DSTYK: variants seen among roughly 807,000 people sequenced by gnomAD.
DSTYK encodes the protein RIP-homologous kinase.
A neutral mutation model predicts 98.7 loss-of-function variants in DSTYK; 34 were observed. That is an observed-to-expected ratio of 0.34 (90% CI 0.26 to 0.46). DSTYK has a LOEUF of 0.46. Ranked by LOEUF, DSTYK falls within the 20% of genes least tolerant of loss-of-function variation. The pLI is 1.00. For missense variants in DSTYK, 962 were observed against 1,181.7 expected, an observed-to-expected ratio of 0.81 and a Z score of 2.73; for synonymous variants, 462 against 457.3, an observed-to-expected ratio of 1.01 and a Z score of -0.13.
rs1657257813 is a variant in DSTYK, at chr1:205,147,022, T to C, written c.*536A>G. The C allele has an allele frequency of 6.5e-6, 1 of 153,014 alleles. No homozygotes were observed. The highest frequency in any genetic ancestry group is 6.5e-5 in the Admixed American group (1 of 15,336). 9.5% of individuals were successfully genotyped at this position (153,014 alleles called of 1,614,324 possible). On this transcript the variant is annotated 3_prime_UTR_variant, in exon 13 of 13. Transcript: ENST00000367162. ...CTGTTTCTAGCTCCCTCACTGGGAC[T>C]TCTGACCATTGCAACCTGAGATACC...
Position 205,163,811 on chromosome 1 carries a change from C to G in DSTYK, c.1469G>C (p.Ser490Thr). The G allele has an allele frequency of 6.2e-7, 1 of 1,614,188 alleles. No homozygotes were observed. The highest frequency in any genetic ancestry group is 8.5e-7 in the Non-Finnish European group (1 of 1,180,040). ...ACATCGTTCCAGGGTTCCGACGAAG[C>G]TTTCCCTCAGGTAATCCACTGAGCT... ...LISSVDYLRE[S>T]FVGTLERCLQ... The change falls in exon 4 of 13, where the codon AGC becomes ACC. Residue 490 changes from serine (S) to threonine (T), a missense_variant. By Grantham distance (58) the Ser-to-Thr change is moderately conservative. Around this residue, in one of 4 missense-constraint regions of DSTYK, gnomAD observed 660 missense variants for 855.0 expected, o/e 0.77. Coordinates refer to ENST00000367162, the MANE Select transcript of DSTYK (RefSeq NM_015375.3).
At chr1:205,170,308 T>G (rs1252637496) in intron 2 of DSTYK, among the ~76,000 whole-genome samples, 1 of 152,242 alleles carries the variant, frequency 6.6e-6, no homozygotes, top group Non-Finnish European at 1.5e-5. Context: ...TAAGTTTCAA[T>G]GTATATGTTA....
At chr1:205,161,900 A>C in intron 6 of DSTYK, 136 bp downstream of exon 6, 1 of 672,946 alleles carries the variant, frequency 1.5e-6, no homozygotes, top group Non-Finnish European at 2.3e-6. Context: ...GTGTGTGTAT[A>C]TATATGTGTA....
At chr1:205,154,586 A>G (rs1260334254) in intron 10 of DSTYK, among the ~76,000 whole-genome samples, 2 of 152,194 alleles carry the variant, frequency 1.3e-5, no homozygotes, top group African/African-American at 4.8e-5. Context: ...TGTCTTTATT[A>G]GCAGTGTGAG....
At chr1:205,173,703 T>C (rs1658138660) in intron 2 of DSTYK, among the ~76,000 whole-genome samples, 1 of 152,094 alleles carries the variant, frequency 6.6e-6, no homozygotes, top group African/African-American at 2.4e-5. Flanking sequence ...GCCAAGTCCA[T>C]TTGTAAGACC....
chr1:205,178,610 A>T (rs1658302745), intron 2 of DSTYK, among the ~76,000 whole-genome samples: 1 of 152,206 alleles, frequency 6.6e-6, no homozygotes, highest in Admixed American at 6.5e-5. Context: ...TCTCTCTAAT[A>T]AGAGTAGAAG....
At chr1:205,147,906 A>G (rs1165140536) in intron 12 of DSTYK, among the ~76,000 whole-genome samples, 161 bp from the exon 13 acceptor site, 3 of 130,536 alleles carry the variant, frequency 2.3e-5, no homozygotes, top group Non-Finnish European at 5.4e-5. Flanking sequence ...ACCTAACAGT[A>G]AGAGCAATTA....
Position 205,148,094 on chromosome 1 carries a change from G to A in DSTYK, c.2602+111C>T, listed in dbSNP as rs999092852. ...TTCATGACAGTTTAAACGTATCTAC[G>A]GCCCTGCTATGGAGTGGCCAGATGG... is the stretch of plus-strand genomic sequence containing the variant. On this transcript the variant is annotated intron_variant, in intron 12 of 12. Transcript: ENST00000367162. 1.6e-5 allele frequency: 21 copies of A among 1,298,924 alleles called. No homozygotes were observed. In the Admixed American group the frequency reaches 2.4e-4, roughly 15 times the overall value. The allele number at this position is 1,298,924 out of a possible 1,614,324, so 80.5% of individuals were successfully genotyped here.
Position 205,211,407 on chromosome 1 carries a change from CT to C in DSTYK, c.128del (p.Gln43ArgfsTer49). ...RYRRYLGRLR[Q>X]NLRETQKFFR... ...AGAACTTCTGGGTCTCGCGCAGGTT[CT>C]GTCGCAGCCGTCCCAGGTAGCGGCG... On this transcript the variant is annotated frameshift_variant, in exon 1 of 13. Transcript: ENST00000367162. LOFTEE classifies it high-confidence loss of function. 1 of 1,610,972 alleles carries C rather than the reference CT, an allele frequency of 6.2e-7. No individual in the cohort carries two copies. The highest frequency in any genetic ancestry group is 8.5e-7 in the Non-Finnish European group (1 of 1,179,300).
intron 1 of DSTYK, among the ~76,000 whole-genome samples, chr1:205,206,486 T>C (rs1234027712): frequency 1.3e-5 from 2 of 149,962 alleles, no homozygotes; most frequent in Non-Finnish European, 3.0e-5. Context: ...TCCATGTTGG[T>C]CAGGCTGGTC....
In DSTYK at chr1:205,159,569, C is replaced by T. The variant is rs369367865; in HGVS notation, c.2216G>A (p.Arg739Gln). ...AVLLIMERLH[R>Q]DLYTGLKAGL... ...TACCTTCAGCCCTGTGTAGAGATCC[C>T]GGTGTAGCCGCTCCATAATGAGGAG... Residue 739 changes from arginine (R) to glutamine (Q), a missense_variant, in exon 9 of 13, where the codon CGG (arginine) becomes CAG (glutamine). Transcript: ENST00000367162. 202 of 1,564,388 alleles carry T rather than the reference C, an allele frequency of 1.3e-4. No homozygotes were observed. The Admixed American group carries it at 2.0e-3, about 15-fold the overall frequency.
intron 12 of DSTYK, 105 bp downstream of exon 12, chr1:205,148,100 G>A: frequency 2.2e-6 from 3 of 1,377,828 alleles, no homozygotes; most frequent in Non-Finnish European, 3.0e-6. Flanking sequence ...CTACGGCCCT[G>A]CTATGGAGTG....
Position 205,144,118 on chromosome 1 carries a change from C to G in DSTYK, c.*3440G>C, listed in dbSNP as rs1303753318. On this transcript the variant is annotated 3_prime_UTR_variant, in exon 13 of 13. Coordinates refer to ENST00000367162, the MANE Select transcript of DSTYK (RefSeq NM_015375.3). ...CTCTCTAGGCACAGGGTCAGCCATT[C>G]CAGGGCCCCAGGCTCCACCATTTCT... 1.3e-5 allele frequency: 2 copies of G among 152,424 alleles called. No homozygotes were observed. The highest frequency in any genetic ancestry group is 2.9e-5 in the Non-Finnish European group (2 of 68,070). The allele number at this position is 152,424 out of a possible 1,614,324, so 9.4% of individuals were successfully genotyped here.
At chr1:205,168,868 T>C (rs1657966933) in intron 3 of DSTYK, among the ~76,000 whole-genome samples, 1 of 152,082 alleles carries the variant, frequency 6.6e-6, no homozygotes, top group Admixed American at 6.6e-5. Flanking sequence ...TCCAGCTCCA[T>C]TAGGGGTTGA....
Position 205,170,635 on chromosome 1 carries a change from A to T in DSTYK, c.655-803T>A, listed in dbSNP as rs144744824. Among the ~76,000 whole-genome samples, 937 of 152,312 alleles carry T rather than the reference A, an allele frequency of 6.2e-3. 9 individuals carry two copies. The highest frequency in any genetic ancestry group is 0.021 in the African/African-American group (887 of 41,566). On this transcript the variant is annotated intron_variant, in intron 2 of 12. Transcript: ENST00000367162. Reference sequence around the variant, plus strand: ...CCGAAGTCTTAGCAACCTAAGTCTAAGAAATACCTTTAGGAATATGATCGA... The same window carrying T: ...CCGAAGTCTTAGCAACCTAAGTCTATGAAATACCTTTAGGAATATGATCGA...
intron 6 of DSTYK, 94 bp from the exon 7 acceptor site, chr1:205,161,481 G>C: frequency 1.6e-6 from 2 of 1,276,318 alleles, no homozygotes; most frequent in Non-Finnish European, 2.2e-6. Context: ...ACTTCATATA[G>C]ATAATTGTGA....
At chr1:205,160,087 A>G (rs1172394661) in intron 8 of DSTYK, 27 bp downstream of exon 8, 6 of 1,612,802 alleles carry the variant, frequency 3.7e-6, no homozygotes, top group Non-Finnish European at 5.1e-6. Context: ...GATCTTTCTC[A>G]TAGAGATGAA....
At chr1:205,205,398 T>C (rs1018840278) in intron 1 of DSTYK, among the ~76,000 whole-genome samples, 4 of 152,160 alleles carry the variant, frequency 2.6e-5, no homozygotes, top group Non-Finnish European at 5.9e-5. Flanking sequence ...TTACTTATCA[T>C]ACAAATTTCT....
At position 205,143,015 on chromosome 1, in the gene DSTYK, AG is replaced by A. The variant is rs1657118285; in HGVS notation, c.*4542del. The A allele has an allele frequency of 6.6e-6, 1 of 152,220 alleles. No homozygotes were observed. The allele number at this position is 152,220 out of a possible 1,614,324, so 9.4% of individuals were successfully genotyped here. A position where few individuals can be genotyped will look rare whatever the true frequency, so the allele number is the denominator to read the frequency against. ...AAAATGAAACCCTTTTAGGAACAGT[AG>A]TGCTACTGGAAACCTCCAGGAGAGT... On this transcript the variant is annotated 3_prime_UTR_variant, in exon 13 of 13. Transcript: ENST00000367162.
Sources: gnomAD v4.1 joint callset for allele counts (sites outside exome capture counted in the v4.1 genomes callset) on GRCh38, gnomAD v4.1.1 for gene constraint, gnomAD v4.1.1 regional missense constraint, MANE v1.5 for transcripts, NCBI Gene and HGNC (gene_info 2026-07-23, HGNC 2026-07-21) for gene names.